Variants in SLC22A8 observed in about 807,000 individuals in gnomAD.
SLC22A8 encodes solute carrier family 22 member 8.
A neutral mutation model predicts 48.4 loss-of-function variants in SLC22A8; 40 were observed. The ratio of observed to expected loss-of-function variants is 0.83; its 90% confidence interval spans 0.64 to 1.08. The LOEUF is 1.08. SLC22A8 is among the 50% of genes least tolerant of loss of function. The pLI is 0.00. For synonymous variants in SLC22A8, 268 were observed against 286.3 expected (o/e 0.94, Z 0.65); for missense variants, 606 against 699.0 (o/e 0.87, Z 1.50).
chr11:62,996,151 A>T lies in SLC22A8; in HGVS notation c.763T>A (p.Trp255Arg). ...PFFVFFLSSW[W>R]TPESIRWLVL... ...AACCAGCGTATGGACTCTGGTGTCC[A>T]CCTGGGGGCCAGAGACCAGTCACAG... The change falls in exon 6 of 11, where the codon TGG (tryptophan) becomes AGG (arginine). Residue 255 changes from tryptophan (W) to arginine (R), a missense_variant and splice_region_variant. Coordinates refer to ENST00000336232, the MANE Select transcript of SLC22A8 (RefSeq NM_004254.4). 6.3e-7 allele frequency: 1 copy of T among 1,595,462 alleles called. No homozygotes were observed. Among genetic ancestry groups the T allele is most frequent in the Non-Finnish European group, 8.6e-7 (1 of 1,169,380 alleles).
chr11:62,996,353 C>A lies in SLC22A8; in HGVS notation c.762-201G>T, dbSNP rs1308270524. On this transcript the variant is annotated intron_variant, in intron 5 of 10. Transcript: ENST00000336232. Reference sequence around the variant, plus strand: ...CCAGCACAAATTCCAGTGTTCTCTTCTTCCCCTTCCAGAAGACACTTTCCT... The same window carrying A: ...CCAGCACAAATTCCAGTGTTCTCTTATTCCCCTTCCAGAAGACACTTTCCT... Among the ~76,000 whole-genome samples, 6 of 152,398 alleles carry A rather than the reference C, an allele frequency of 3.9e-5. No homozygotes were observed. In the East Asian group the frequency reaches 1.2e-3, roughly 29 times the overall value.
chr11:63,014,517 G>A, intron 2 of SLC22A8, 109 bp downstream of exon 2: 1 of 977,362 alleles, frequency 1.0e-6, no homozygotes, highest in Non-Finnish European at 1.5e-6. Context: ...CCAGTGACCT[G>A]TCCTCAGTTC....
intron 2 of SLC22A8, among the ~76,000 whole-genome samples, chr11:63,003,578 T>G (rs2135132364): frequency 1.3e-5 from 2 of 152,282 alleles, no homozygotes; most frequent in East Asian, 3.9e-4. Flanking sequence ...AAAGTCCCTT[T>G]AGGAAAATCT....
At chr11:63,010,738 G>A (rs1235867359) in intron 2 of SLC22A8, among the ~76,000 whole-genome samples, 10 of 152,310 alleles carry the variant, frequency 6.6e-5, no homozygotes, top group African/African-American at 1.4e-4. Context: ...GGTGACCCCC[G>A]GCGTCCTGCT....
At chr11:63,001,032 T>A in intron 2 of SLC22A8, 1 of 537,950 alleles carries the variant, frequency 1.9e-6, no homozygotes, top group South Asian at 2.0e-5. Context: ...CCCTCAGGCA[T>A]GTGTGGCCTG....
intron 5 of SLC22A8, among the ~76,000 whole-genome samples, chr11:62,998,404 C>T (rs1444903745): frequency 6.6e-6 from 1 of 152,166 alleles, no homozygotes; most frequent in Non-Finnish European, 1.5e-5. Flanking sequence ...TTTAAACTTT[C>T]CTTTGTACTT....
intron 3 of SLC22A8, among the ~76,000 whole-genome samples, chr11:63,000,501 A>G (rs1351770153): frequency 2.6e-5 from 4 of 151,560 alleles, no homozygotes; most frequent in Non-Finnish European, 4.4e-5. Flanking sequence ...AAAAAAAAAA[A>G]AAAAAAAAGG....
intron 2 of SLC22A8, among the ~76,000 whole-genome samples, chr11:63,002,873 T>C (rs2086513735): frequency 1.3e-5 from 2 of 152,182 alleles, no homozygotes; most frequent in Non-Finnish European, 2.9e-5. Flanking sequence ...ACAATAACCT[T>C]ATTATGTAGG....
Position 62,993,866 on chromosome 11 carries a change from A to G in SLC22A8, c.1229T>C (p.Val410Ala). The change falls in exon 9 of 11, where the codon GTG (valine) becomes GCG (alanine). Residue 410 changes from valine (V) to alanine (A), a missense_variant. Transcript: ENST00000336232. ...LTFVPLDLQT[V>A]RTVLAVFGKG... The stretch of plus-strand genomic sequence containing the variant: ...CCCAAACACAGCCAATACTGTCCTC[A>G]CGGTCTGCAAGTCTGCAGAGGGAAG... 6.2e-7 allele frequency: 1 copy of G among 1,611,114 alleles called. No homozygotes were observed.
At chr11:63,010,971 C>G (rs1040675145) in intron 2 of SLC22A8, among the ~76,000 whole-genome samples, 2 of 152,202 alleles carry the variant, frequency 1.3e-5, no homozygotes, top group Non-Finnish European at 2.9e-5. Flanking sequence ...GGGGGCAAGT[C>G]CTTCATTCAG....
intron 3 of SLC22A8, 40 bp downstream of exon 3, chr11:63,000,680 C>T (rs2086483000): frequency 6.3e-6 from 9 of 1,428,472 alleles, no homozygotes; most frequent in Non-Finnish European, 8.9e-6. Flanking sequence ...GGGTTGTCCC[C>T]ATGGGTCATG....
chr11:62,994,688 A>G lies in SLC22A8; in HGVS notation c.1070T>C (p.Ile357Thr). Reference sequence around the variant, plus strand: ...GACCCCACCAAAGATGATCTGGAGGATGTAGAGGTTGACTCCAAATTCTTC... The same window carrying G: ...GACCCCACCAAAGATGATCTGGAGGGTGTAGAGGTTGACTCCAAATTCTTC... ...GVEEFGVNLYILQIIFGGVDV... is the reference protein window; with the variant it reads ...GVEEFGVNLYTLQIIFGGVDV... Residue 357 changes from isoleucine to threonine, a missense_variant, in exon 8 of 11, where the codon ATC becomes ACC. Ile to Thr is a moderately conservative substitution (Grantham distance 89). Coordinates refer to ENST00000336232, the MANE Select transcript of SLC22A8 (RefSeq NM_004254.4). The G allele has an allele frequency of 6.2e-7, 1 of 1,614,212 alleles. No homozygotes were observed. The highest frequency in any genetic ancestry group is 8.5e-7 in the Non-Finnish European group (1 of 1,180,028).
At chr11:63,009,168 G>A (rs1258290394) in intron 2 of SLC22A8, among the ~76,000 whole-genome samples, 2 of 152,162 alleles carry the variant, frequency 1.3e-5, no homozygotes, top group Non-Finnish European at 2.9e-5. Context: ...GGGCAAATGG[G>A]GGTGTGAAGC....
Position 62,996,159 on chromosome 11 carries a change from G to A in SLC22A8, c.762-7C>T. ...TATGGACTCTGGTGTCCACCTGGGG[G>A]CCAGAGACCAGTCACAGTGGCTCCT... On this transcript the variant is annotated splice_polypyrimidine_tract_variant and splice_region_variant and intron_variant, in intron 5 of 10. Transcript: ENST00000336232. 2 of 1,588,924 alleles carry A rather than the reference G, an allele frequency of 1.3e-6. No individual in the cohort carries two copies. The highest frequency in any genetic ancestry group is 1.7e-6 in the Non-Finnish European group (2 of 1,165,716).
At position 62,995,828 on chromosome 11, in the gene SLC22A8, A is replaced by C; in HGVS notation, c.886-9T>G. The C allele has an allele frequency of 6.2e-7, 1 of 1,604,442 alleles. No individual in the cohort carries two copies. ...AGGTTGAGTTTGAGCTCCTTCGGGC[A>C]GAGGAGGGGGAGGGGTGCCATTAAT... On this transcript the variant is annotated splice_polypyrimidine_tract_variant and intron_variant, in intron 6 of 10. Transcript: ENST00000336232.
chr11:62,998,076 T>G (rs564545030), intron 5 of SLC22A8, among the ~76,000 whole-genome samples: 13 of 152,242 alleles, frequency 8.5e-5, no homozygotes, highest in African/African-American at 3.1e-4. Flanking sequence ...CTCGGCCTCC[T>G]GAGTAGCTGG....
At chr11:63,015,049 G>T in intron 1 of SLC22A8, 66 bp from the exon 2 acceptor site, 1 of 1,090,310 alleles carries the variant, frequency 9.2e-7, no homozygotes, top group Non-Finnish European at 1.3e-6. Flanking sequence ...TCTATGGAAC[G>T]ATATGTGGGA....
chr11:63,015,243 AG>A (rs1412362383), intron 1 of SLC22A8, among the ~76,000 whole-genome samples: 1 of 152,186 alleles, frequency 6.6e-6, no homozygotes, highest in Admixed American at 6.5e-5. Context: ...GTGGACACAA[AG>A]GTATCTATGG....
intron 2 of SLC22A8, among the ~76,000 whole-genome samples, chr11:63,010,397 G>T (rs1330356363): frequency 6.6e-6 from 1 of 152,076 alleles, no homozygotes; most frequent in Non-Finnish European, 1.5e-5. Flanking sequence ...TCTTCACCTG[G>T]AGCCAACGCA....
Sources: allele counts gnomAD v4.1 joint callset (sites outside exome capture counted in the v4.1 genomes callset), GRCh38; gene constraint gnomAD v4.1.1; transcripts MANE v1.5; gene names NCBI Gene and HGNC (gene_info 2026-07-23, HGNC 2026-07-21).